NDUFAF2: variants seen among roughly 807,000 people sequenced by gnomAD.
NDUFAF2 encodes NADH dehydrogenase [ubiquinone] 1 alpha subcomplex assembly factor 2.
A neutral mutation model predicts 22.8 loss-of-function variants in NDUFAF2; 13 were observed. The ratio of observed to expected loss-of-function variants is 0.57; its 90% confidence interval spans 0.37 to 0.91. The LOEUF (loss-of-function observed/expected upper bound fraction) is 0.91, where lower values mean the gene tolerates loss of function less well. Among genes scored for constraint, NDUFAF2 ranks in the 40% least tolerant of loss-of-function variants. NDUFAF2 has a pLI of 0.01. For synonymous variants in NDUFAF2, 53 were observed against 64.2 expected (o/e 0.83, Z 0.84); for missense variants, 162 against 195.2 (o/e 0.83, Z 1.01).
intron 1 of NDUFAF2, among the ~76,000 whole-genome samples, chr5:61,040,274 ACACACACACACACGCG>A (rs1321426632): frequency 3.1e-4 from 37 of 120,392 alleles, no homozygotes; most frequent in Middle Eastern, 3.8e-3. Flanking sequence ...ACACACACAC[ACACACACACACACGCG>A]CGCGCGCGCG....
At chr5:60,947,494 G>T (rs775918031) in intron 1 of NDUFAF2, among the ~76,000 whole-genome samples, 2 of 151,898 alleles carry the variant, frequency 1.3e-5, no homozygotes, top group Non-Finnish European at 2.9e-5. Flanking sequence ...GGCTGGGTCC[G>T]GTGGCTCATG....
chr5:60,950,730 GA>G (rs1303373863), intron 1 of NDUFAF2, among the ~76,000 whole-genome samples: 1 of 148,410 alleles, frequency 6.7e-6, no homozygotes, highest in East Asian at 2.0e-4. Context: ...TTATTTTTTA[GA>G]GCAATTTTAG....
intron 1 of NDUFAF2, among the ~76,000 whole-genome samples, chr5:61,041,701 G>A (rs1018275822): frequency 1.3e-4 from 20 of 152,088 alleles, no homozygotes; most frequent in African/African-American, 4.8e-4. Context: ...ATCTTTATGT[G>A]TCCATGGGCA....
intron 1 of NDUFAF2, among the ~76,000 whole-genome samples, chr5:61,026,504 A>G (rs191848459): frequency 2.0e-5 from 3 of 152,172 alleles, no homozygotes; most frequent in African/African-American, 7.2e-5. Flanking sequence ...AACAGAAAGA[A>G]TAAGATAGCT....
chr5:60,969,375 T>C (rs1750798641), intron 1 of NDUFAF2, among the ~76,000 whole-genome samples: 1 of 152,160 alleles, frequency 6.6e-6, no homozygotes, highest in African/African-American at 2.4e-5. Flanking sequence ...CCAACATTTG[T>C]TACTGCCTGC....
chr5:61,073,417 G>C (rs1752326743), intron 2 of NDUFAF2, among the ~76,000 whole-genome samples: 1 of 152,146 alleles, frequency 6.6e-6, no homozygotes, highest in Admixed American at 6.5e-5. Context: ...TGCATGTATA[G>C]CAAAAAGAAC....
chr5:60,963,375 C>T (rs745757061), intron 1 of NDUFAF2, among the ~76,000 whole-genome samples: 7 of 152,194 alleles, frequency 4.6e-5, no homozygotes, highest in African/African-American at 1.4e-4. Flanking sequence ...AATAAGTCTG[C>T]AACTTGCCTT....
At chr5:61,104,054 T>A (rs1411556380) in intron 3 of NDUFAF2, among the ~76,000 whole-genome samples, 1 of 152,120 alleles carries the variant, frequency 6.6e-6, no homozygotes, top group East Asian at 1.9e-4. Flanking sequence ...TAAGCTATAA[T>A]GTTTGGTAGG....
At chr5:61,014,489 G>A (rs1369557842) in intron 1 of NDUFAF2, among the ~76,000 whole-genome samples, 3 of 152,134 alleles carry the variant, frequency 2.0e-5, no homozygotes, top group Non-Finnish European at 2.9e-5. Context: ...TCTGTGAGCT[G>A]TGCTAGGAAA....
At chr5:61,091,388 T>TGA (rs1752567288) in intron 2 of NDUFAF2, among the ~76,000 whole-genome samples, 2 of 151,946 alleles carry the variant, frequency 1.3e-5, no homozygotes, top group Non-Finnish European at 2.9e-5. Flanking sequence ...CTGACTGGTG[T>TGA]GAGATGGTGT....
At chr5:61,092,680 CCT>C (rs1306105036) in intron 2 of NDUFAF2, among the ~76,000 whole-genome samples, 1 of 152,116 alleles carries the variant, frequency 6.6e-6, no homozygotes, top group Non-Finnish European at 1.5e-5. Flanking sequence ...TTCCTCTCTT[CCT>C]ATTTGGATGC....
chr5:61,071,156 G>T (rs1752294145), intron 1 of NDUFAF2, among the ~76,000 whole-genome samples: 1 of 152,124 alleles, frequency 6.6e-6, no homozygotes, highest in African/African-American at 2.4e-5. Flanking sequence ...GAGAAATGCA[G>T]TTGTCATTGT....
chr5:61,134,236 T>C (rs1375256615), intron 3 of NDUFAF2, among the ~76,000 whole-genome samples: 1 of 138,714 alleles, frequency 7.2e-6, no homozygotes, highest in Non-Finnish European at 1.6e-5. Context: ...GCTTATTTTA[T>C]AAAGAAAAAA....
At chr5:61,121,586 C>G (rs1460433550) in intron 3 of NDUFAF2, among the ~76,000 whole-genome samples, 1 of 152,084 alleles carries the variant, frequency 6.6e-6, no homozygotes, top group Non-Finnish European at 1.5e-5. Context: ...AATTTTGTGT[C>G]AACTTGGCTA....
chr5:61,132,418 G>A (rs1029030304), intron 3 of NDUFAF2, among the ~76,000 whole-genome samples: 2 of 151,856 alleles, frequency 1.3e-5, no homozygotes, highest in Non-Finnish European at 2.9e-5. Flanking sequence ...CCTCCTTTGA[G>A]AATTCTCACC....
chr5:61,104,126 A>G (rs1752733716), intron 3 of NDUFAF2, among the ~76,000 whole-genome samples: 1 of 152,048 alleles, frequency 6.6e-6, no homozygotes, highest in South Asian at 2.1e-4. Flanking sequence ...GTTTATAAGG[A>G]CATAACCCCA....
chr5:61,069,666 G>A (rs1752271933), intron 1 of NDUFAF2, among the ~76,000 whole-genome samples: 1 of 152,082 alleles, frequency 6.6e-6, no homozygotes, highest in Admixed American at 6.6e-5. Context: ...CCATATCTGT[G>A]TCCAGGGTGC....
In NDUFAF2 at chr5:61,006,523, T is replaced by C. The variant is rs368964565; in HGVS notation, c.127+61141T>C. Among the ~76,000 whole-genome samples, 236 of 152,264 alleles carry C rather than the reference T, an allele frequency of 1.5e-3. 1 individual carries two copies. The highest frequency in any genetic ancestry group is 5.5e-3 in the African/African-American group (229 of 41,546). ...TGGGGATGGCATTGAATCTATAAAT[T>C]ACCTTGGGCAGTGTGGCCATTTTCA... On this transcript the variant is annotated intron_variant, in intron 1 of 3. Coordinates refer to ENST00000296597, the MANE Select transcript of NDUFAF2 (RefSeq NM_174889.5).
At chr5:60,952,439 A>G (rs957492582) in intron 1 of NDUFAF2, among the ~76,000 whole-genome samples, 2 of 151,970 alleles carry the variant, frequency 1.3e-5, no homozygotes, top group South Asian at 2.1e-4. Flanking sequence ...TTTTTCCTAT[A>G]TGACCTATGT....
Sources: gnomAD v4.1 joint callset for allele counts (sites outside exome capture counted in the v4.1 genomes callset) on GRCh38, gnomAD v4.1.1 for gene constraint, MANE v1.5 for transcripts, NCBI Gene and HGNC (gene_info 2026-07-23, HGNC 2026-07-21) for gene names.